LRP2: variants seen among roughly 807,000 people sequenced by gnomAD.
The protein encoded by LRP2 is low-density lipoprotein receptor-related protein 2.
LRP2 carries 172 observed loss-of-function variants against 531.0 expected under a neutral mutation model. The observed-to-expected ratio is 0.32, with a 90% confidence interval of 0.29 to 0.37. LRP2 has a LOEUF of 0.37. LRP2 is among the 10% of genes least tolerant of loss of function. The pLI, the probability that LRP2 is intolerant of heterozygous loss-of-function variation, is 1.00. For missense variants in LRP2, 5,167 were observed against 5,868.3 expected (o/e 0.88, Z 3.90); for synonymous variants, 1,992 against 2,027.6 (o/e 0.98, Z 0.47).
rs199528723 is a variant in LRP2 at position 169,172,019 on chromosome 2, G to A, written c.11259C>T (p.Asn3753=). 1.2e-5 allele frequency: 19 copies of A among 1,614,112 alleles called. No individual in the cohort carries two copies. In the East Asian group the frequency reaches 3.1e-4, roughly 27 times the overall value. ...CATAGGACTGTGAACACTCACCACA[G>A]TTTTCCTCATCTGAGTTATCTCCAC... The part of the protein sequence containing the change: ...NDCGDNSDEE[N]CAPRECTESE... Residue 3753 remains asparagine (N), a synonymous_variant, in exon 58 of 79, where the codon AAC becomes AAT. Coordinates refer to ENST00000649046, the MANE Select transcript of LRP2 (RefSeq NM_004525.3).
At chr2:169,322,772 G>C (rs1470909743) in intron 1 of LRP2, among the ~76,000 whole-genome samples, 1 of 152,036 alleles carries the variant, frequency 6.6e-6, no homozygotes, top group Non-Finnish European at 1.5e-5. Context: ...AGTATCTTCT[G>C]GTTGAAAAAT....
intron 1 of LRP2, among the ~76,000 whole-genome samples, chr2:169,357,101 A>G (rs1269642320): frequency 6.6e-6 from 1 of 152,024 alleles, no homozygotes; most frequent in Non-Finnish European, 1.5e-5. Flanking sequence ...ATACGATAGA[A>G]CCATTTGATT....
intron 70 of LRP2, among the ~76,000 whole-genome samples, chr2:169,143,714 T>C (rs1685811980): frequency 6.6e-6 from 1 of 152,174 alleles, no homozygotes; most frequent in Non-Finnish European, 1.5e-5. Context: ...TTTGAATTGG[T>C]CTGGGGTAGA....
intron 21 of LRP2, 41 bp downstream of exon 21, chr2:169,246,664 C>G (rs1336431481): frequency 6.2e-7 from 1 of 1,609,582 alleles, no homozygotes; most frequent in East Asian, 2.2e-5. Context: ...CACCTCTACT[C>G]TATTCATCCC....
chr2:169,202,620 A>T, intron 43 of LRP2, 136 bp downstream of exon 43: 1 of 858,812 alleles, frequency 1.2e-6, no homozygotes. Flanking sequence ...GGATTATCAG[A>T]GGAAACATTT....
chr2:169,319,734 C>G (rs111846098), intron 2 of LRP2, among the ~76,000 whole-genome samples: 1 of 152,200 alleles, frequency 6.6e-6, no homozygotes, highest in South Asian at 2.1e-4. Context: ...GCATCAACAT[C>G]ATCAGGAAGT....
chr2:169,219,950 G>A (rs1266028734), intron 34 of LRP2, among the ~76,000 whole-genome samples: 2 of 152,086 alleles, frequency 1.3e-5, no homozygotes, highest in Non-Finnish European at 2.9e-5. Context: ...GTGGTCAACA[G>A]CTCCCTACTC....
chr2:169,329,722 T>C (rs1224229422), intron 1 of LRP2, among the ~76,000 whole-genome samples: 1 of 152,204 alleles, frequency 6.6e-6, no homozygotes, highest in African/African-American at 2.4e-5. Context: ...AAGAGGCTGC[T>C]AGCAGAGAAG....
chr2:169,293,493 C>T (rs923477520), intron 6 of LRP2, among the ~76,000 whole-genome samples: 8 of 151,924 alleles, frequency 5.3e-5, no homozygotes, highest in South Asian at 2.1e-4. Flanking sequence ...CTGGCCAACA[C>T]GGTGAAACCC....
chr2:169,211,907 C>A, intron 37 of LRP2, 61 bp downstream of exon 37: 1 of 1,608,736 alleles, frequency 6.2e-7, no homozygotes, highest in East Asian at 2.2e-5. Context: ...TTTCATGGCA[C>A]CAGGGATTTC....
At chr2:169,328,196 T>A (rs1435675113) in intron 1 of LRP2, among the ~76,000 whole-genome samples, 3 of 106,646 alleles carry the variant, frequency 2.8e-5, no homozygotes, top group African/African-American at 1.1e-4. Flanking sequence ...GGTGGGGGGG[T>A]CAGCGCCCCG....
intron 19 of LRP2, among the ~76,000 whole-genome samples, chr2:169,248,261 AG>A (rs140444477): frequency 6.6e-6 from 1 of 152,366 alleles, no homozygotes; most frequent in East Asian, 1.9e-4. Flanking sequence ...TATTTTTAAA[AG>A]AAAGAATTGC....
At chr2:169,239,387 G>A in intron 26 of LRP2, 140 bp downstream of exon 26, 1 of 1,419,276 alleles carries the variant, frequency 7.0e-7, no homozygotes, top group African/African-American at 1.4e-5. Context: ...AAAAAATTGA[G>A]GTTTAAAGAG....
chr2:169,143,721 T>C (rs1405046275), intron 70 of LRP2, among the ~76,000 whole-genome samples: 2 of 152,090 alleles, frequency 1.3e-5, no homozygotes, highest in Admixed American at 6.5e-5. Flanking sequence ...TGGTCTGGGG[T>C]AGAGTTCAAG....
chr2:169,155,163 G>A (rs367982191), intron 65 of LRP2, among the ~76,000 whole-genome samples: 23 of 152,188 alleles, frequency 1.5e-4, no homozygotes, highest in African/African-American at 4.8e-4. Flanking sequence ...CTACTTAATG[G>A]TGACTCATCC....
At chr2:169,220,414 A>AAT (rs758684295) in intron 34 of LRP2, 40 bp downstream of exon 34, 1 of 1,414,380 alleles carries the variant, frequency 7.1e-7, no homozygotes, top group Non-Finnish European at 1.0e-6. Flanking sequence ...TAACAAGAAC[A>AAT]ATGCTGCATG....
At chr2:169,153,727 A>G (rs1686228314) in intron 66 of LRP2, among the ~76,000 whole-genome samples, 1 of 152,184 alleles carries the variant, frequency 6.6e-6, no homozygotes, top group Non-Finnish European at 1.5e-5. Flanking sequence ...TAGATAAGGG[A>G]GACTGGCATA....
chr2:169,175,526 C>A (rs1013484754), intron 54 of LRP2, 137 bp from the exon 55 acceptor site: 3 of 760,686 alleles, frequency 3.9e-6, no homozygotes, highest in Non-Finnish European at 6.7e-6. Context: ...TCAATTAAAT[C>A]TCAGTTACAA....
chr2:169,238,846 G>A (rs1689701009), intron 26 of LRP2, among the ~76,000 whole-genome samples: 2 of 152,264 alleles, frequency 1.3e-5, no homozygotes, highest in Non-Finnish European at 1.5e-5. Flanking sequence ...GTGACCACAT[G>A]ACTAAGTTCT....
Sources: gnomAD v4.1 joint callset for allele counts (sites outside exome capture counted in the v4.1 genomes callset) on GRCh38, gnomAD v4.1.1 for gene constraint, MANE v1.5 for transcripts, NCBI Gene and HGNC (gene_info 2026-07-23, HGNC 2026-07-21) for gene names.